The following PTPRG variants were observed in gnomAD, a reference collection of about 807,000 sequenced individuals.
The protein encoded by PTPRG is protein tyrosine phosphatase receptor type G.
In PTPRG, 102 loss-of-function variants were observed where a neutral mutation model predicts 165.3. The ratio of observed to expected loss-of-function variants is 0.62; its 90% confidence interval spans 0.53 to 0.73. The LOEUF (loss-of-function observed/expected upper bound fraction) is 0.73. Among genes scored for constraint, PTPRG ranks in the 30% least tolerant of loss-of-function variants. The pLI is 0.00. For missense variants in PTPRG, 1,866 were observed against 1,861.4 expected, an observed-to-expected ratio of 1.00 and a Z score of -0.05; for synonymous variants, 675 against 669.5, an observed-to-expected ratio of 1.01 and a Z score of -0.13.
At chr3:61,729,048 A>G (rs2032381457) in intron 1 of PTPRG, among the ~76,000 whole-genome samples, 2 of 149,842 alleles carry the variant, frequency 1.3e-5, no homozygotes, top group African/African-American at 4.9e-5. Flanking sequence ...GGCGGCAGAG[A>G]GAGACCCTGT....
intron 2 of PTPRG, among the ~76,000 whole-genome samples, chr3:61,852,143 T>C (rs1174732241): frequency 6.6e-6 from 1 of 152,176 alleles, no homozygotes; most frequent in Non-Finnish European, 1.5e-5. Flanking sequence ...GTTAATTTCT[T>C]TTTAAGGTGT....
chr3:61,607,154 G>A (rs1701033929), intron 1 of PTPRG, among the ~76,000 whole-genome samples: 1 of 152,096 alleles, frequency 6.6e-6, no homozygotes, highest in African/African-American at 2.4e-5. Flanking sequence ...CATCCTACAC[G>A]GATCAACTTG....
intron 2 of PTPRG, among the ~76,000 whole-genome samples, chr3:61,886,003 A>G (rs913365897): frequency 2.0e-5 from 3 of 151,804 alleles, no homozygotes; most frequent in African/African-American, 7.3e-5. Context: ...CCACATGCAC[A>G]CACAGGGAGA....
chr3:61,768,854 A>G (rs1174331099), intron 2 of PTPRG, among the ~76,000 whole-genome samples: 1 of 152,174 alleles, frequency 6.6e-6, no homozygotes, highest in Non-Finnish European at 1.5e-5. Context: ...TACTATCATA[A>G]TGATTTCCCC....
intron 1 of PTPRG, among the ~76,000 whole-genome samples, chr3:61,641,529 A>C (rs565434831): frequency 1.3e-5 from 2 of 152,282 alleles, no homozygotes; most frequent in African/African-American, 4.8e-5. Flanking sequence ...GTTTTTAAGG[A>C]AGAATCACCG....
intron 2 of PTPRG, among the ~76,000 whole-genome samples, chr3:61,926,123 T>C (rs2039203047): frequency 6.6e-6 from 1 of 152,110 alleles, no homozygotes; most frequent in South Asian, 2.1e-4. Flanking sequence ...GGAGAGGTAA[T>C]GGAGGGCTAT....
intron 4 of PTPRG, among the ~76,000 whole-genome samples, chr3:62,061,410 AC>A (rs11359974): frequency 0.66 from 100,027 of 151,896 alleles, 34,306 homozygotes; most frequent in South Asian, 0.86. Context: ...ATTGGTTGAC[AC>A]CATCTCCGGT....
At chr3:62,166,016 A>G (rs896832597) in intron 7 of PTPRG, among the ~76,000 whole-genome samples, 3 of 151,970 alleles carry the variant, frequency 2.0e-5, no homozygotes, top group Non-Finnish European at 4.4e-5. Flanking sequence ...AAGCCTTGAC[A>G]GTCACTCAAT....
At chr3:61,779,067 G>GAC (rs906562853) in intron 2 of PTPRG, among the ~76,000 whole-genome samples, 19 of 152,070 alleles carry the variant, frequency 1.2e-4, no homozygotes, top group South Asian at 4.2e-4. Context: ...CACACACACA[G>GAC]ACACACACAC....
At chr3:61,801,021 C>G (rs1311661366) in intron 2 of PTPRG, among the ~76,000 whole-genome samples, 6 of 152,132 alleles carry the variant, frequency 3.9e-5, no homozygotes, top group Admixed American at 6.5e-5. Context: ...GCAGTGCTCT[C>G]TGGTGAAGCC....
At chr3:62,274,199 A>G (rs1211845439) in intron 23 of PTPRG, among the ~76,000 whole-genome samples, 1 of 152,178 alleles carries the variant, frequency 6.6e-6, no homozygotes, top group Non-Finnish European at 1.5e-5. Context: ...ATTAAGAATG[A>G]TGACTTGTAG....
At chr3:62,035,605 T>G (rs1365139926) in intron 4 of PTPRG, among the ~76,000 whole-genome samples, 1 of 152,232 alleles carries the variant, frequency 6.6e-6, no homozygotes, top group East Asian at 1.9e-4. Flanking sequence ...GTGACATATG[T>G]GAAACCTTGC....
At chr3:62,137,692 CT>C (rs1169832153) in intron 6 of PTPRG, among the ~76,000 whole-genome samples, 1 of 152,080 alleles carries the variant, frequency 6.6e-6, no homozygotes, top group Non-Finnish European at 1.5e-5. Context: ...TTGGGAAGTG[CT>C]TTGGAGCTTC....
chr3:61,569,146 G>T (rs777297786), intron 1 of PTPRG, among the ~76,000 whole-genome samples: 1 of 152,124 alleles, frequency 6.6e-6, no homozygotes, highest in South Asian at 2.1e-4. Flanking sequence ...CATGTAGCAG[G>T]AAGAAAAATC....
chr3:62,081,450 C>T lies in PTPRG; in HGVS notation c.615+3192C>T, dbSNP rs879348454. On this transcript the variant is annotated intron_variant, in intron 5 of 29. Coordinates refer to ENST00000474889, the MANE Select transcript of PTPRG (RefSeq NM_002841.4). ...CTCCAACTCCTGGGTTCAAGGGGAT[C>T]CTCCTGCAACAGCCTCCTGAGTAGC... Among the ~76,000 whole-genome samples the T allele has an allele frequency of 2.4e-4, 37 of 152,198 alleles. 1 individual carries two copies. Among genetic ancestry groups the T allele is most frequent in the Middle Eastern group, 3.4e-3 (1 of 294 alleles).
At chr3:61,928,956 C>T (rs1049087677) in intron 2 of PTPRG, among the ~76,000 whole-genome samples, 9 of 152,226 alleles carry the variant, frequency 5.9e-5, no homozygotes, top group African/African-American at 1.4e-4. Context: ...GTTGTCACAA[C>T]GGGAAGGATG....
At chr3:61,767,242 A>AAAAAAAAAAC (rs2034052566) in intron 2 of PTPRG, among the ~76,000 whole-genome samples, 1 of 147,272 alleles carries the variant, frequency 6.8e-6, no homozygotes, top group African/African-American at 2.5e-5. Context: ...TTCCATCTCA[A>AAAAAAAAAAC]AAAAAAAAAA....
At chr3:61,861,706 G>C (rs184548296) in intron 2 of PTPRG, among the ~76,000 whole-genome samples, 1 of 152,252 alleles carries the variant, frequency 6.6e-6, no homozygotes, top group Non-Finnish European at 1.5e-5. Context: ...GGAGAAGGAG[G>C]ACATGTGTTA....
intron 1 of PTPRG, among the ~76,000 whole-genome samples, chr3:61,666,275 A>G (rs1350760914): frequency 6.6e-6 from 1 of 152,242 alleles, no homozygotes; most frequent in Non-Finnish European, 1.5e-5. Flanking sequence ...CTCTTCTGTT[A>G]TCTGTCTGAA....
Sources: allele counts gnomAD v4.1 joint callset (sites outside exome capture counted in the v4.1 genomes callset), GRCh38; gene constraint gnomAD v4.1.1; transcripts MANE v1.5; gene names NCBI Gene and HGNC (gene_info 2026-07-23, HGNC 2026-07-21).